SLC22A24: variants seen among roughly 807,000 people sequenced by gnomAD.
SLC22A24 encodes steroid transmembrane transporter SLC22A24.
A neutral mutation model predicts 49.8 loss-of-function variants in SLC22A24; 53 were observed. The ratio of observed to expected loss-of-function variants is 1.06; its 90% CI spans 0.85 to 1.34. The LOEUF (loss-of-function observed/expected upper bound fraction) is 1.34. Ranked by LOEUF, SLC22A24 falls within the 40% of genes most tolerant of loss-of-function variation. The pLI is 0.00. For synonymous variants in SLC22A24, 302 were observed against 256.4 expected, an observed-to-expected ratio of 1.18 and a Z score of -1.70; for missense variants, 786 against 675.9, an observed-to-expected ratio of 1.16 and a Z score of -1.81.
chr11:63,097,354 G>A (rs1261530081), intron 5 of SLC22A24, among the ~76,000 whole-genome samples: 6 of 152,302 alleles, frequency 3.9e-5, no homozygotes, highest in South Asian at 2.1e-4. Context: ...TTAGAGAAAT[G>A]CAAATCAAAA....
intron 4 of SLC22A24, among the ~76,000 whole-genome samples, chr11:63,110,528 C>T (rs1437848839): frequency 2.4e-5 from 3 of 127,308 alleles, no homozygotes; most frequent in Non-Finnish European, 5.1e-5. Context: ...TTTCATTGAG[C>T]AGTGGTTTGT....
At chr11:63,108,415 T>C (rs1298058171) in intron 4 of SLC22A24, among the ~76,000 whole-genome samples, 2 of 152,158 alleles carry the variant, frequency 1.3e-5, no homozygotes, top group East Asian at 3.9e-4. Flanking sequence ...TGTCTCTGCC[T>C]GGCATTGGTA....
chr11:63,102,753 G>C (rs1390054041), intron 5 of SLC22A24, among the ~76,000 whole-genome samples: 2 of 152,140 alleles, frequency 1.3e-5, no homozygotes, highest in African/African-American at 2.4e-5. Context: ...TTGTAGCAGA[G>C]AGCCAAATTG....
chr11:63,081,921 G>A (rs530117200), intron 7 of SLC22A24, among the ~76,000 whole-genome samples: 33 of 152,294 alleles, frequency 2.2e-4, no homozygotes, highest in Admixed American at 7.8e-4. Flanking sequence ...GCCAATTAAG[G>A]TGGGGGTAGG....
rs551224216 is a variant in SLC22A24, at chr11:63,096,093, G to T, written c.968C>A (p.Thr323Asn). Reference sequence around the variant, plus strand: ...GACTGCATCCAACTCCTTCTTCATGGTGGATCTCACAAGCTTCAGCAACAA... The same window carrying T: ...GACTGCATCCAACTCCTTCTTCATGTTGGATCTCACAAGCTTCAGCAACAA... Reference protein sequence around the residue: ...ETLTTELVRSTMKKELDAVRI... With the variant: ...ETLTTELVRSNMKKELDAVRI... Residue 323 changes from threonine (T) to asparagine (N), a missense_variant, in exon 6 of 10, where the codon ACC becomes AAC. Physicochemically the swap from Thr to Asn is moderately conservative, Grantham distance 65 (BLOSUM62 0). Transcript: ENST00000612278. 194 of 1,549,442 alleles carry T rather than the reference G, an allele frequency of 1.3e-4. 1 individual carries two copies. The highest frequency in any genetic ancestry group is 1.6e-4 in the Non-Finnish European group (184 of 1,145,160).
intron 6 of SLC22A24, among the ~76,000 whole-genome samples, chr11:63,092,623 A>G (rs1325038365): frequency 1.4e-5 from 2 of 147,040 alleles, no homozygotes; most frequent in African/African-American, 4.9e-5. Flanking sequence ...ATGTGCTGGG[A>G]AAACTGGCTA....
chr11:63,098,464 G>C (rs2087068994), intron 5 of SLC22A24, among the ~76,000 whole-genome samples: 1 of 152,200 alleles, frequency 6.6e-6, no homozygotes. Context: ...GGTCAGGAGT[G>C]TAAGAGCAGC....
chr11:63,086,867 A>G (rs2086989671), intron 6 of SLC22A24, among the ~76,000 whole-genome samples: 1 of 152,186 alleles, frequency 6.6e-6, no homozygotes, highest in South Asian at 2.1e-4. Flanking sequence ...CATAGTGTAT[A>G]CCTTAAACAT....
In SLC22A24 at chr11:63,104,285, A is replaced by C; in HGVS notation, c.844T>G (p.Ser282Ala). Residue 282 changes from serine to alanine, a missense_variant, in exon 5 of 10, where the codon TCT becomes GCT. Transcript: ENST00000612278. The stretch of plus-strand genomic sequence containing the variant: ...TTGTTGATAATCAGCCACCGAGCAG[A>C]CTCCACCATCTTCCTGATGAAAGAA... ...LFLSSWKMVESARWLIINNQL... is the reference protein window; with the variant it reads ...LFLSSWKMVEAARWLIINNQL... The C allele has an allele frequency of 6.5e-7, 1 of 1,549,406 alleles. No homozygotes were observed. Among genetic ancestry groups the C allele is most frequent in the African/African-American group, 1.4e-5 (1 of 72,986 alleles).
At chr11:63,118,796 G>A (rs1484529967) in intron 4 of SLC22A24, 116 bp downstream of exon 4, 2 of 1,049,244 alleles carry the variant, frequency 1.9e-6, no homozygotes, top group South Asian at 1.4e-5. Flanking sequence ...TAGGTACTAT[G>A]GACATCATGG....
chr11:63,112,277 G>C (rs546735368), intron 4 of SLC22A24, among the ~76,000 whole-genome samples: 43 of 152,108 alleles, frequency 2.8e-4, no homozygotes, highest in Non-Finnish European at 5.3e-4. Flanking sequence ...CAACTATGTG[G>C]TCAATTTTGG....
intron 1 of SLC22A24, among the ~76,000 whole-genome samples, chr11:63,135,134 G>T (rs757509489): frequency 6.6e-6 from 1 of 151,984 alleles, no homozygotes; most frequent in South Asian, 2.1e-4. Context: ...AAGACTTCAG[G>T]TACAAAAATT....
chr11:63,100,386 A>G (rs919716061), intron 5 of SLC22A24, among the ~76,000 whole-genome samples: 1 of 152,144 alleles, frequency 6.6e-6, no homozygotes, highest in Non-Finnish European at 1.5e-5. Context: ...CTACAATGAA[A>G]ACTATAAAGC....
At chr11:63,102,641 TC>T (rs1253014402) in intron 5 of SLC22A24, among the ~76,000 whole-genome samples, 2 of 152,100 alleles carry the variant, frequency 1.3e-5, no homozygotes, top group Non-Finnish European at 2.9e-5. Flanking sequence ...ACCCCACAAA[TC>T]TTGCTGGTGA....
intron 5 of SLC22A24, among the ~76,000 whole-genome samples, chr11:63,102,023 G>C (rs1381917498): frequency 6.6e-6 from 1 of 152,096 alleles, no homozygotes; most frequent in Admixed American, 6.6e-5. Context: ...TCAAGTGTTT[G>C]ATGGTACAAC....
rs116306738 is a variant in SLC22A24, at chr11:63,105,461, A to G, written c.831-1163T>C. On this transcript the variant is annotated intron_variant, in intron 4 of 9. Coordinates refer to ENST00000612278, the MANE Select transcript of SLC22A24 (RefSeq NM_001136506.2). ...TCTAAGCATTTCCATACATTCTCTG[A>G]AATCTAGATGGAGGTTGCTAAACCT... Among the ~76,000 whole-genome samples, 480 of 152,268 alleles carry G rather than the reference A, an allele frequency of 3.2e-3. 4 individuals are homozygous for G. Among genetic ancestry groups the G allele is most frequent in the African/African-American group, 0.01 (434 of 41,574 alleles).
chr11:63,113,638 G>A (rs187006913), intron 4 of SLC22A24, among the ~76,000 whole-genome samples: 3 of 152,102 alleles, frequency 2.0e-5, no homozygotes, highest in South Asian at 2.1e-4. Flanking sequence ...GGCAGATCAC[G>A]AGGTCAGGGG....
At chr11:63,124,610 T>C (rs2087275219) in intron 2 of SLC22A24, among the ~76,000 whole-genome samples, 1 of 152,206 alleles carries the variant, frequency 6.6e-6, no homozygotes, top group Admixed American at 6.5e-5. Flanking sequence ...GAGCCATGGT[T>C]ATTGAAATAA....
intron 2 of SLC22A24, among the ~76,000 whole-genome samples, chr11:63,119,574 C>T (rs1010907566): frequency 9.2e-5 from 14 of 152,218 alleles, no homozygotes; most frequent in South Asian, 8.3e-4. Flanking sequence ...AGGACTCTTT[C>T]GCCATATGAA....
Sources: gnomAD v4.1 joint callset for allele counts (sites outside exome capture counted in the v4.1 genomes callset) on GRCh38, gnomAD v4.1.1 for gene constraint, MANE v1.5 for transcripts, NCBI Gene and HGNC (gene_info 2026-07-23, HGNC 2026-07-21) for gene names.